ARNT2: variants seen among roughly 807,000 people sequenced by gnomAD.
ARNT2 encodes the protein ARNT protein 2.
A neutral mutation model predicts 91.7 loss-of-function variants in ARNT2; 36 were observed. The observed-to-expected ratio is 0.39, with a 90% confidence interval of 0.30 to 0.52. The LOEUF (loss-of-function observed/expected upper bound fraction) is 0.52. ARNT2 is among the 20% of genes least tolerant of loss of function. The probability of loss-of-function intolerance (pLI) is 0.72; values close to 1 mark genes in which losing one functional copy is unlikely to be tolerated. For synonymous variants in ARNT2, 365 were observed against 347.1 expected (o/e 1.05, Z -0.57); for missense variants, 775 against 939.3 (o/e 0.83, Z 2.29).
chr15:80,565,894 C>G (rs776345115), intron 12 of ARNT2, among the ~76,000 whole-genome samples: 4 of 151,874 alleles, frequency 2.6e-5, no homozygotes, highest in Non-Finnish European at 4.4e-5. Flanking sequence ...TGCAGAAGCT[C>G]TTTAATTAGA....
chr15:80,438,690 C>T (rs941453251), intron 1 of ARNT2, among the ~76,000 whole-genome samples: 30 of 152,018 alleles, frequency 2.0e-4, no homozygotes, highest in Admixed American at 3.3e-4. Flanking sequence ...AAATGTTTTG[C>T]CTCTTTTTTG....
chr15:80,514,030 C>T (rs1191317922), intron 7 of ARNT2, 54 bp downstream of exon 7: 2 of 1,516,072 alleles, frequency 1.3e-6, no homozygotes, highest in African/African-American at 1.4e-5. Context: ...ATAGTCTAAA[C>T]ACCCTAAGCT....
At chr15:80,458,800 A>G (rs770422519) in intron 3 of ARNT2, among the ~76,000 whole-genome samples, 4 of 152,028 alleles carry the variant, frequency 2.6e-5, no homozygotes, top group Non-Finnish European at 5.9e-5. Context: ...CTGCCTTGAC[A>G]TTCCTCTCCA....
At chr15:80,565,144 C>T (rs35224064) in intron 12 of ARNT2, among the ~76,000 whole-genome samples, 66,206 of 151,870 alleles carry the variant, frequency 0.44, 15,015 homozygotes, top group Non-Finnish European at 0.5. Context: ...AGGTTGGTGT[C>T]AAACTCCTGG....
intron 8 of ARNT2, among the ~76,000 whole-genome samples, chr15:80,537,819 A>G (rs920843060): frequency 7.2e-5 from 11 of 152,198 alleles, no homozygotes; most frequent in African/African-American, 2.7e-4. Flanking sequence ...CCCCACCCCT[A>G]CCTGTCTAAC....
intron 5 of ARNT2, among the ~76,000 whole-genome samples, chr15:80,480,089 G>A (rs1486407326): frequency 6.6e-6 from 1 of 152,096 alleles, no homozygotes; most frequent in Non-Finnish European, 1.5e-5. Flanking sequence ...GGGATGTTTG[G>A]GTTACAGGAT....
chr15:80,433,197 C>A (rs1473725853), intron 1 of ARNT2, among the ~76,000 whole-genome samples: 1 of 65,746 alleles, frequency 1.5e-5, no homozygotes, highest in Non-Finnish European at 4.1e-5. Context: ...GGTATGCCCA[C>A]ATTTTTTTTC....
Position 80,591,714 on chromosome 15 carries a change from G to C in ARNT2, c.2055+10G>C. On this transcript the variant is annotated intron_variant, in intron 18 of 18. Coordinates refer to ENST00000303329, the MANE Select transcript of ARNT2 (RefSeq NM_014862.4). The surrounding 1 kb of genome is among the most constrained non-coding windows in gnomAD (Gnocchi z 5.1). ...GACTGAAGTGTTCCAGGTAAATCGA[G>C]CGAGCACCGCCTTCTCGTAGGTACC... The C allele has an allele frequency of 6.2e-7, 1 of 1,613,798 alleles. No individual in the cohort carries two copies. Among genetic ancestry groups the C allele is most frequent in the Non-Finnish European group, 8.5e-7 (1 of 1,179,752 alleles).
chr15:80,547,376 A>G (rs1328024944), intron 8 of ARNT2, among the ~76,000 whole-genome samples: 2 of 152,212 alleles, frequency 1.3e-5, no homozygotes, highest in African/African-American at 4.8e-5. Flanking sequence ...TTCACTTAAG[A>G]ATGTCCCTGA....
chr15:80,551,183 G>A lies in ARNT2; in HGVS notation c.878-16G>A. On this transcript the variant is annotated splice_polypyrimidine_tract_variant and intron_variant, in intron 8 of 18. Coordinates refer to ENST00000303329, the MANE Select transcript of ARNT2 (RefSeq NM_014862.4). Reference sequence around the variant, plus strand: ...CTTGGGCATATTGTTGATGACACAGGTATTTCCCATTTCAGGAATGACCAT... The same window carrying A: ...CTTGGGCATATTGTTGATGACACAGATATTTCCCATTTCAGGAATGACCAT... The A allele has an allele frequency of 1.2e-6, 2 of 1,611,432 alleles. No individual in the cohort carries two copies. The highest frequency in any genetic ancestry group is 8.5e-7 in the Non-Finnish European group (1 of 1,177,710).
chr15:80,436,068 C>T (rs951314013), intron 1 of ARNT2: 1 of 152,272 alleles, frequency 6.6e-6, no homozygotes, highest in Non-Finnish European at 1.5e-5. Flanking sequence ...TTCAGCTTTC[C>T]CCCACCACTT....
intron 8 of ARNT2, among the ~76,000 whole-genome samples, chr15:80,548,955 G>GA (rs1349381062): frequency 2.0e-5 from 3 of 152,060 alleles, no homozygotes; most frequent in East Asian, 1.9e-4. Context: ...GAATAGCCAA[G>GA]AAAAAATACA....
At position 80,574,927 on chromosome 15, in the gene ARNT2, G is replaced by C. The variant is rs931662825; in HGVS notation, c.1390-60G>C. The C allele has an allele frequency of 2.6e-6, 4 of 1,565,368 alleles. No homozygotes were observed. The Admixed American group carries it at 6.9e-5, about 27-fold the overall frequency. On this transcript the variant is annotated intron_variant, in intron 13 of 18. Coordinates refer to ENST00000303329, the MANE Select transcript of ARNT2 (RefSeq NM_014862.4). ...TGAAGGAGAGCTGGTGGCTCCTGGGGACGCATGTTCTGTGCCTTACGCATG... is the reference window on the plus strand; with the variant it reads ...TGAAGGAGAGCTGGTGGCTCCTGGGCACGCATGTTCTGTGCCTTACGCATG...
intron 5 of ARNT2, among the ~76,000 whole-genome samples, chr15:80,489,983 T>TA (rs1897031123): frequency 1.3e-5 from 2 of 152,180 alleles, no homozygotes; most frequent in Non-Finnish European, 2.9e-5. Flanking sequence ...GTGGTCTGGG[T>TA]ACTCAGTAAA....
In ARNT2 at chr15:80,568,080, G is replaced by C. The variant is rs180740525; in HGVS notation, c.1316+4841G>C. Among the ~76,000 whole-genome samples, 581 of 152,288 alleles carry C rather than the reference G, an allele frequency of 3.8e-3. 2 individuals are homozygous for C. Among genetic ancestry groups the C allele is most frequent in the Non-Finnish European group, 6.2e-3 (425 of 68,036 alleles). ...ACTGAGTGTTTAATGTTGAACATTT[G>C]TGTAAAGCCACTACAAAGAAGACCT... On this transcript the variant is annotated intron_variant, in intron 12 of 18. Transcript: ENST00000303329.
rs138673565 is a variant in ARNT2, at chr15:80,503,770, C to G, written c.623-4386C>G. 4.5e-3 allele frequency among the ~76,000 whole-genome samples: 681 copies of G among 152,336 alleles called. 6 individuals are homozygous for G. Among genetic ancestry groups the G allele is most frequent in the Middle Eastern group, 6.8e-3 (2 of 294 alleles). On this transcript the variant is annotated intron_variant, in intron 5 of 18. Coordinates refer to ENST00000303329, the MANE Select transcript of ARNT2 (RefSeq NM_014862.4). Reference sequence around the variant, plus strand: ...CCCCTGCACAGGCTGCGCCAGAGCTCTCAGCACACTGAGTCAAACCATTCC... The same window carrying G: ...CCCCTGCACAGGCTGCGCCAGAGCTGTCAGCACACTGAGTCAAACCATTCC...
intron 6 of ARNT2, among the ~76,000 whole-genome samples, chr15:80,510,681 T>G (rs1189080208): frequency 6.6e-6 from 1 of 151,580 alleles, no homozygotes; most frequent in Non-Finnish European, 1.5e-5. Context: ...ATAGAAAAAT[T>G]AGCTGGGTGT....
In ARNT2 at chr15:80,463,961, T is replaced by C. The variant is rs115471347; in HGVS notation, c.194+5985T>C. 5.3e-3 allele frequency among the ~76,000 whole-genome samples: 804 copies of C among 152,322 alleles called. 7 individuals are homozygous for C. Among genetic ancestry groups the C allele is most frequent in the African/African-American group, 0.018 (763 of 41,576 alleles). On this transcript the variant is annotated intron_variant, in intron 3 of 18. Transcript: ENST00000303329. Reference sequence around the variant, plus strand: ...ACCATGTTTAGCTATGCTACCCGCTTCAGTTTTTCTGCTGGAGAGATTAAC... The same window carrying C: ...ACCATGTTTAGCTATGCTACCCGCTCCAGTTTTTCTGCTGGAGAGATTAAC...
intron 1 of ARNT2, among the ~76,000 whole-genome samples, chr15:80,408,362 G>C (rs1028999466): frequency 2.6e-5 from 4 of 152,164 alleles, no homozygotes; most frequent in Admixed American, 6.5e-5. Context: ...CGTTGACTAG[G>C]CATGTTCATA....
Sources: allele counts gnomAD v4.1 joint callset (sites outside exome capture counted in the v4.1 genomes callset), GRCh38; gene constraint gnomAD v4.1.1; non-coding constraint Gnocchi (gnomAD v3.1); transcripts MANE v1.5; gene names NCBI Gene and HGNC (gene_info 2026-07-23, HGNC 2026-07-21).